AKAP19: variants seen among roughly 807,000 people sequenced by gnomAD.
The protein encoded by AKAP19 is small A-kinase anchoring protein.
chr2:189,943,472 T>G, the AKAP19 span, among the ~76,000 whole-genome samples: 1 of 152,204 alleles, frequency 6.6e-6, no homozygotes, highest in African/African-American at 2.4e-5. Flanking sequence ...AGAAGCCTGC[T>G]TCAGGGGCAG....
At chr2:190,024,316 A>G in the AKAP19 span, among the ~76,000 whole-genome samples, 65 of 148,250 alleles carry the variant, frequency 4.4e-4, no homozygotes, top group East Asian at 2.0e-3. Context: ...ATATATATAT[A>G]TGTGTGTGTG....
chr2:189,978,377 T>G, the AKAP19 span, among the ~76,000 whole-genome samples: 2 of 152,240 alleles, frequency 1.3e-5, no homozygotes, highest in Middle Eastern at 6.8e-3. Context: ...TCACAACAGT[T>G]TGGGAGGCTG....
chr2:189,942,260 A>C, the AKAP19 span, among the ~76,000 whole-genome samples: 1 of 140,136 alleles, frequency 7.1e-6, no homozygotes, highest in South Asian at 2.1e-4. Flanking sequence ...AGTGTGTGTC[A>C]CCTCCCCACT....
chr2:190,101,127 T>G, the AKAP19 span, among the ~76,000 whole-genome samples: 1 of 152,178 alleles, frequency 6.6e-6, no homozygotes, highest in Non-Finnish European at 1.5e-5. Flanking sequence ...AAGTCAGCCA[T>G]TCTTTGGCAT....
chr2:190,163,460 A>AAC, the AKAP19 span, among the ~76,000 whole-genome samples: 4 of 149,996 alleles, frequency 2.7e-5, no homozygotes, highest in African/African-American at 7.4e-5. Context: ...AAAAACAAAA[A>AAC]AAAAAAAAAC....
chr2:190,110,932 G>A, the AKAP19 span, among the ~76,000 whole-genome samples: 1 of 152,196 alleles, frequency 6.6e-6, no homozygotes, highest in Non-Finnish European at 1.5e-5. Flanking sequence ...AGCTTTCACT[G>A]TGCCCCAGGT....
the AKAP19 span, among the ~76,000 whole-genome samples, chr2:189,882,878 T>A: frequency 6.6e-6 from 1 of 152,090 alleles, no homozygotes. Context: ...TGTATTATAG[T>A]TCACAGCTTG....
At chr2:190,178,246 G>A in the AKAP19 span, among the ~76,000 whole-genome samples, 40 of 152,314 alleles carry the variant, frequency 2.6e-4, no homozygotes, top group African/African-American at 8.9e-4. This position sits in a 1 kb window ranked among gnomAD's most constrained non-coding sequence, Gnocchi z 6.3. Flanking sequence ...GGCAGAGGGC[G>A]CCAAGTTCCC....
At chr2:189,961,654 T>G in the AKAP19 span, among the ~76,000 whole-genome samples, 1 of 152,158 alleles carries the variant, frequency 6.6e-6, no homozygotes, top group Non-Finnish European at 1.5e-5. Flanking sequence ...GGCTCACACC[T>G]GTAATCCCAG....
the AKAP19 span, among the ~76,000 whole-genome samples, chr2:190,094,991 G>A: frequency 9.8e-5 from 15 of 152,336 alleles, no homozygotes; most frequent in East Asian, 1.9e-4. Flanking sequence ...TTGAGAGGCC[G>A]AGATGGGCGG....
chr2:189,982,548 G>A, the AKAP19 span, among the ~76,000 whole-genome samples: 2 of 152,050 alleles, frequency 1.3e-5, no homozygotes, highest in African/African-American at 2.4e-5. Context: ...ATCCTTTGGA[G>A]GTGTCAAGAC....
the AKAP19 span, among the ~76,000 whole-genome samples, chr2:189,901,618 G>A: frequency 1.3e-5 from 2 of 152,166 alleles, no homozygotes; most frequent in Non-Finnish European, 2.9e-5. Flanking sequence ...GATTACATGT[G>A]TGAGTCACCA....
At chr2:190,128,969 A>C in the AKAP19 span, among the ~76,000 whole-genome samples, 3 of 152,216 alleles carry the variant, frequency 2.0e-5, no homozygotes, top group Non-Finnish European at 4.4e-5. Context: ...ATGAACCTGG[A>C]ATATTTTTTA....
At chr2:189,959,838 G>C in the AKAP19 span, among the ~76,000 whole-genome samples, 1 of 152,110 alleles carries the variant, frequency 6.6e-6, no homozygotes, top group Non-Finnish European at 1.5e-5. Flanking sequence ...ACAGTTTTTT[G>C]AGTAGGTAAT....
chr2:190,025,771 A>G, the AKAP19 span, among the ~76,000 whole-genome samples: 1 of 152,188 alleles, frequency 6.6e-6, no homozygotes, highest in Non-Finnish European at 1.5e-5. Flanking sequence ...TCTTTGCCCA[A>G]TCTTTATCCC....
At chr2:189,881,262 T>G in the AKAP19 span, among the ~76,000 whole-genome samples, 3 of 152,136 alleles carry the variant, frequency 2.0e-5, no homozygotes, top group Non-Finnish European at 4.4e-5. Context: ...AAGGGAAAAG[T>G]CAAGCTGGGA....
At chr2:189,885,186 A>G in the AKAP19 span, among the ~76,000 whole-genome samples, 3 of 152,180 alleles carry the variant, frequency 2.0e-5, no homozygotes, top group African/African-American at 7.2e-5. Flanking sequence ...GAGCTAGTTT[A>G]TGATTACTTT....
chr2:190,133,994 G>A, the AKAP19 span, among the ~76,000 whole-genome samples: 10 of 152,114 alleles, frequency 6.6e-5, no homozygotes, highest in South Asian at 4.1e-4. Context: ...AGGTGTTTTC[G>A]TCACAAATAC....
chr2:190,194,970 T>C, the AKAP19 span, among the ~76,000 whole-genome samples: 1 of 152,104 alleles, frequency 6.6e-6, no homozygotes, highest in African/African-American at 2.4e-5. Flanking sequence ...CCAAGTGACC[T>C]CGGCTTCCTG....
Sources: allele counts gnomAD v4.1 joint callset (sites outside exome capture counted in the v4.1 genomes callset), GRCh38; gene constraint gnomAD v4.1.1; non-coding constraint Gnocchi (gnomAD v3.1); transcripts MANE v1.5; gene names NCBI Gene and HGNC (gene_info 2026-07-23, HGNC 2026-07-21).